Variants in CNTN4 observed in about 807,000 individuals in gnomAD.
CNTN4 encodes the protein contactin-4.
Under a neutral mutation model 122.5 loss-of-function variants are expected in CNTN4, and 77 were observed. The ratio of observed to expected loss-of-function variants is 0.63; its 90% confidence interval spans 0.52 to 0.76. The LOEUF (loss-of-function observed/expected upper bound fraction) is 0.76. Among genes scored for constraint, CNTN4 ranks in the 30% least tolerant of loss-of-function variants. The pLI is 0.00. For synonymous variants in CNTN4, 512 were observed against 447.0 expected (o/e 1.15, Z -1.83); for missense variants, 1,256 against 1,259.1 (o/e 1.00, Z 0.04).
Position 2,577,119 on chromosome 3 carries a change from C to T in CNTN4, c.55+5561C>T, listed in dbSNP as rs145183664. ...TGAGTCTCAGTTTCCCACAATAACT[C>T]CTTCTACTTTTTTCTTCTTTACTTC... On this transcript the variant is annotated intron_variant, in intron 4 of 24. Coordinates refer to ENST00000418658, the MANE Select transcript of CNTN4 (RefSeq NM_175607.3). Among the ~76,000 whole-genome samples, 56 of 152,282 alleles carry T rather than the reference C, an allele frequency of 3.7e-4. 1 individual carries two copies. The East Asian group carries it at 7.0e-3, about 19-fold the overall frequency.
intron 4 of CNTN4, among the ~76,000 whole-genome samples, chr3:2,632,488 T>C (rs1445030060): frequency 2.0e-5 from 3 of 152,168 alleles, no homozygotes; most frequent in Non-Finnish European, 4.4e-5. Context: ...CAACATGACA[T>C]TGAGAGGCAT....
rs571026539 is a variant in CNTN4 at position 2,573,470 on chromosome 3, C to T, written c.55+1912C>T. Among the ~76,000 whole-genome samples, 24 of 152,250 alleles carry T rather than the reference C, an allele frequency of 1.6e-4. No homozygotes were observed. The East Asian group carries it at 1.7e-3, about 11-fold the overall frequency. The stretch of plus-strand genomic sequence containing the variant: ...GGGACCTTGACCCTCCTAAGGGATT[C>T]GACTGACACTTTAGAGTTTTAACTT... On this transcript the variant is annotated intron_variant, in intron 4 of 24. Coordinates refer to ENST00000418658, the MANE Select transcript of CNTN4 (RefSeq NM_175607.3).
chr3:2,406,470 T>C (rs746647243), intron 3 of CNTN4, among the ~76,000 whole-genome samples: 2 of 152,226 alleles, frequency 1.3e-5, no homozygotes, highest in Non-Finnish European at 2.9e-5. Flanking sequence ...AGTGAAACCA[T>C]TGGTAAAATC....
chr3:2,821,027 T>C (rs2092857516), intron 7 of CNTN4, among the ~76,000 whole-genome samples: 1 of 142,928 alleles, frequency 7.0e-6, no homozygotes, highest in South Asian at 2.3e-4. Flanking sequence ...GGTGGTGCAA[T>C]CTCGGCTCAC....
chr3:2,421,465 T>C (rs1028064777), intron 3 of CNTN4, among the ~76,000 whole-genome samples: 2 of 152,188 alleles, frequency 1.3e-5, no homozygotes, highest in South Asian at 4.1e-4. Flanking sequence ...TTGGCCAGGC[T>C]GATCTCAAAC....
At chr3:2,792,003 A>T (rs970824) in intron 6 of CNTN4, among the ~76,000 whole-genome samples, 9,098 of 152,254 alleles carry the variant, frequency 0.06, 301 homozygotes, top group Non-Finnish European at 0.07. Flanking sequence ...AGATGGGTTG[A>T]TAGGTGCAGC....
At chr3:2,678,518 A>G (rs191868671) in intron 4 of CNTN4, among the ~76,000 whole-genome samples, 176 of 152,234 alleles carry the variant, frequency 1.2e-3, no homozygotes, top group Non-Finnish European at 2.0e-3. Flanking sequence ...GGTGAAAGCA[A>G]TGGTTGTGGG....
At chr3:2,504,626 T>A (rs760084898) in intron 3 of CNTN4, among the ~76,000 whole-genome samples, 4 of 152,184 alleles carry the variant, frequency 2.6e-5, no homozygotes, top group Non-Finnish European at 4.4e-5. Context: ...GAAAACTATA[T>A]GTAATCTCAA....
chr3:2,269,138 G>A (rs1229527942), intron 2 of CNTN4, among the ~76,000 whole-genome samples: 5 of 152,068 alleles, frequency 3.3e-5, no homozygotes, highest in East Asian at 1.9e-4. Context: ...AATTAGCAAC[G>A]TTTTCAAAGG....
chr3:2,317,565 A>G (rs2043146930), intron 2 of CNTN4, among the ~76,000 whole-genome samples: 1 of 152,160 alleles, frequency 6.6e-6, no homozygotes, highest in Non-Finnish European at 1.5e-5. Flanking sequence ...GCAGTGGATC[A>G]CCGAGGCATT....
At chr3:2,170,388 A>C (rs186211156) in intron 2 of CNTN4, among the ~76,000 whole-genome samples, 3 of 152,186 alleles carry the variant, frequency 2.0e-5, no homozygotes, top group Non-Finnish European at 4.4e-5. Context: ...AATACAAAAA[A>C]ATTAGAAGTA....
At chr3:2,600,178 T>C (rs1046611658) in intron 4 of CNTN4, among the ~76,000 whole-genome samples, 2 of 151,856 alleles carry the variant, frequency 1.3e-5, no homozygotes, top group African/African-American at 4.8e-5. Flanking sequence ...GGGCTCTAAT[T>C]ATATGATTGT....
chr3:2,290,362 T>C (rs914208184), intron 2 of CNTN4, among the ~76,000 whole-genome samples: 1 of 152,160 alleles, frequency 6.6e-6, no homozygotes, highest in African/African-American at 2.4e-5. Context: ...TGAATAACAC[T>C]GCACTAATTG....
chr3:2,576,117 G>C (rs918891284), intron 4 of CNTN4, among the ~76,000 whole-genome samples: 1 of 152,058 alleles, frequency 6.6e-6, no homozygotes, highest in Non-Finnish European at 1.5e-5. Context: ...TTACAGGCGT[G>C]AGCCACCACG....
chr3:2,145,334 T>C (rs1303880770), intron 2 of CNTN4, among the ~76,000 whole-genome samples: 1 of 152,214 alleles, frequency 6.6e-6, no homozygotes, highest in African/African-American at 2.4e-5. Flanking sequence ...TAGGGAATTA[T>C]AAGCTACAGT....
chr3:3,042,965 T>G lies in CNTN4; in HGVS notation c.2512-12T>G, dbSNP rs1700302580. ...GGTATGGTTTCCAAGGTCTTTCTGT[T>G]TATCTTCTTAGGTTAAATATTGGAG... On this transcript the variant is annotated splice_polypyrimidine_tract_variant and intron_variant, in intron 21 of 24. Coordinates refer to ENST00000418658, the MANE Select transcript of CNTN4 (RefSeq NM_175607.3). 6.2e-7 allele frequency: 1 copy of G among 1,610,680 alleles called. No individual in the cohort carries two copies. Among genetic ancestry groups the G allele is most frequent in the African/African-American group, 1.3e-5 (1 of 74,844 alleles).
chr3:2,328,063 A>G (rs977946540), intron 2 of CNTN4, among the ~76,000 whole-genome samples: 5 of 152,186 alleles, frequency 3.3e-5, no homozygotes, highest in Non-Finnish European at 7.3e-5. Flanking sequence ...TTCCTGGTTT[A>G]TTACTGTTAT....
Position 3,054,594 on chromosome 3 carries a change from T to TA in CNTN4, c.2980+619_2980+620insA, listed in dbSNP as rs373809019. On this transcript the variant is annotated intron_variant, in intron 24 of 24. Transcript: ENST00000418658. ...GTTTGTAAGTATCTTAAGAGCATGA[T>TA]TTTTTTGTTGTTGTGTGTGATCTCA... Among the ~76,000 whole-genome samples, 133 of 152,302 alleles carry TA rather than the reference T, an allele frequency of 8.7e-4. 1 individual carries two copies. The highest frequency in any genetic ancestry group is 3.1e-3 in the African/African-American group (127 of 41,548).
chr3:2,371,605 G>T (rs997597651), intron 3 of CNTN4, among the ~76,000 whole-genome samples: 3 of 152,148 alleles, frequency 2.0e-5, no homozygotes, highest in Non-Finnish European at 4.4e-5. Flanking sequence ...TGAATGAGTG[G>T]TTGTTTTTGT....
Sources: gnomAD v4.1 joint callset for allele counts (sites outside exome capture counted in the v4.1 genomes callset) on GRCh38, gnomAD v4.1.1 for gene constraint, MANE v1.5 for transcripts, NCBI Gene and HGNC (gene_info 2026-07-23, HGNC 2026-07-21) for gene names.